Variants in ERN1 observed in about 807,000 individuals in gnomAD.
The protein encoded by ERN1 is endoplasmic reticulum to nucleus signaling 1.
A neutral mutation model predicts 113.1 loss-of-function variants in ERN1; 39 were observed. The observed-to-expected ratio is 0.34, with a 90% CI of 0.27 to 0.45. The LOEUF is 0.45. ERN1 is among the 20% of genes least tolerant of loss of function. The pLI is 1.00. For missense variants in ERN1, 976 were observed against 1,274.8 expected, an observed-to-expected ratio of 0.77 and a Z score of 3.57; for synonymous variants, 507 against 515.9, an observed-to-expected ratio of 0.98 and a Z score of 0.23.
chr17:64,106,761 CACAA>C (rs1239075671), intron 1 of ERN1, among the ~76,000 whole-genome samples: 5 of 140,330 alleles, frequency 3.6e-5, no homozygotes, highest in Admixed American at 1.4e-4. Flanking sequence ...CACACACACA[CACAA>C]GCTCGCTGTC....
chr17:64,068,072 A>G (rs1433296987), intron 7 of ERN1, 118 bp downstream of exon 7: 2 of 698,870 alleles, frequency 2.9e-6, no homozygotes, highest in Admixed American at 5.3e-5. Context: ...GTCCATGGAA[A>G]GAAAGAACCT....
At chr17:64,096,835 T>G (rs181631568) in intron 2 of ERN1, among the ~76,000 whole-genome samples, 1 of 152,236 alleles carries the variant, frequency 6.6e-6, no homozygotes, top group East Asian at 1.9e-4. Context: ...CTTAAAGCAT[T>G]ATGTGCAGGG....
intron 1 of ERN1, 176 bp from the exon 2 acceptor site, chr17:64,098,417 C>G: frequency 2.5e-6 from 2 of 803,790 alleles, no homozygotes; most frequent in Non-Finnish European, 4.4e-6. Context: ...CCCAGGTCAC[C>G]TCACTCTAAG....
In ERN1 at chr17:64,041,935, G is replaced by C. The variant is rs1354738405; in HGVS notation, c.*2053C>G. On this transcript the variant is annotated 3_prime_UTR_variant, in exon 22 of 22. Transcript: ENST00000433197. Reference sequence around the variant, plus strand: ...ATCGGAAACAGTTGTCTCTAGGCAAGTGGGGCTAAAACAGGGAGATGACAC... The same window carrying C: ...ATCGGAAACAGTTGTCTCTAGGCAACTGGGGCTAAAACAGGGAGATGACAC... 6.6e-6 allele frequency: 1 copy of C among 152,246 alleles called. No homozygotes were observed. Among genetic ancestry groups the C allele is most frequent in the Admixed American group, 6.5e-5 (1 of 15,282 alleles). The allele number at this position is 152,246 out of a possible 1,614,324, so 9.4% of individuals were successfully genotyped here. A position where few individuals can be genotyped will look rare whatever the true frequency, so the allele number is the denominator to read the frequency against.
chr17:64,078,641 T>C (rs1007114492), intron 4 of ERN1, among the ~76,000 whole-genome samples: 2 of 152,332 alleles, frequency 1.3e-5, no homozygotes, highest in African/African-American at 4.8e-5. Flanking sequence ...TTATATGTGT[T>C]GTAGGGGGGT....
At position 64,098,185 on chromosome 17, in the gene ERN1, C is replaced by G. The variant is rs374385951; in HGVS notation, c.111G>C (p.Thr37=). The G allele has an allele frequency of 1.2e-6, 2 of 1,613,944 alleles. No individual in the cohort carries two copies. The highest frequency in any genetic ancestry group is 1.7e-6 in the Non-Finnish European group (2 of 1,179,862). Reference sequence around the variant, plus strand: ...TGACAGCATGCAAACTTCCATCCAGCGTTGACACAAACAACAAGGTTTCAG... The same window carrying G: ...TGACAGCATGCAAACTTCCATCCAGGGTTGACACAAACAACAAGGTTTCAG... ...TLPETLLFVS[T]LDGSLHAVSK... is the part of the protein sequence containing the mutation. Residue 37 remains threonine (T), a synonymous_variant, in exon 2 of 22, where the codon ACG becomes ACC. Transcript: ENST00000433197.
Position 64,054,590 on chromosome 17 carries a change from TCA to T in ERN1, c.1763+146_1763+147del, listed in dbSNP as rs1247598650. Reference sequence around the variant, plus strand: ...GGTGGCCCCGGAATCATCGCTTGTCTCAGTGTGCAAGCTCCCTGGAGGCCGGA... The same window carrying T: ...GGTGGCCCCGGAATCATCGCTTGTCTGTGTGCAAGCTCCCTGGAGGCCGGA... On this transcript the variant is annotated intron_variant, in intron 14 of 21. Coordinates refer to ENST00000433197, the MANE Select transcript of ERN1 (RefSeq NM_001433.5). The surrounding 1 kb of genome is among the most constrained non-coding windows in gnomAD (Gnocchi z 4.9). 3 of 996,596 alleles carry T rather than the reference TCA, an allele frequency of 3.0e-6. No individual in the cohort carries two copies. The highest frequency in any genetic ancestry group is 4.4e-6 in the Non-Finnish European group (3 of 677,960). 61.7% of individuals were successfully genotyped at this position (996,596 alleles called of 1,614,324 possible).
At chr17:64,079,835 G>T in intron 3 of ERN1, 101 bp from the exon 4 acceptor site, 1 of 886,288 alleles carries the variant, frequency 1.1e-6, no homozygotes, top group Non-Finnish European at 1.8e-6. Flanking sequence ...AGAGAGTGGA[G>T]GGTGGTTGTG....
At chr17:64,060,655 T>G in intron 10 of ERN1, 68 bp from the exon 11 acceptor site, 1 of 1,160,422 alleles carries the variant, frequency 8.6e-7, no homozygotes, top group Non-Finnish European at 1.3e-6. Flanking sequence ...AATGCTAAAC[T>G]TAGGCAACAG....
intron 1 of ERN1, among the ~76,000 whole-genome samples, chr17:64,116,097 T>TTCAG (rs1914796252): frequency 6.6e-6 from 1 of 152,164 alleles, no homozygotes; most frequent in Admixed American, 6.5e-5. Flanking sequence ...CACTTTAAGG[T>TTCAG]TCAGGATGGG....
At chr17:64,087,207 T>C (rs1036461764) in intron 2 of ERN1, among the ~76,000 whole-genome samples, 1 of 152,194 alleles carries the variant, frequency 6.6e-6, no homozygotes, top group Admixed American at 6.5e-5. Context: ...GAATCCTCTG[T>C]TCCACCTTCC....
Position 64,113,839 on chromosome 17 carries a change from T to C in ERN1, c.55-15598A>G, listed in dbSNP as rs1276162063. 4.6e-5 allele frequency among the ~76,000 whole-genome samples: 7 copies of C among 151,940 alleles called. No homozygotes were observed. The East Asian group carries it at 1.4e-3, about 29-fold the overall frequency. ...CTGGGATTACAGGCGCCCACCACCA[T>C]GCCCGGCTAATTTTTGTATTTTCAG... On this transcript the variant is annotated intron_variant, in intron 1 of 21. Coordinates refer to ENST00000433197, the MANE Select transcript of ERN1 (RefSeq NM_001433.5).
chr17:64,076,450 C>T (rs1338037922), intron 4 of ERN1, among the ~76,000 whole-genome samples: 2 of 152,180 alleles, frequency 1.3e-5, no homozygotes, highest in African/African-American at 4.8e-5. Flanking sequence ...ATCAGAAAGG[C>T]ACTGCAGATC....
At chr17:64,083,396 T>TA (rs533099613) in intron 2 of ERN1, among the ~76,000 whole-genome samples, 43 of 148,978 alleles carry the variant, frequency 2.9e-4, no homozygotes, top group Non-Finnish European at 4.6e-4. Context: ...ATTCTTGCTT[T>TA]AAAAAAAAAA....
chr17:64,108,415 A>G (rs1914587697), intron 1 of ERN1, among the ~76,000 whole-genome samples: 2 of 152,182 alleles, frequency 1.3e-5, no homozygotes, highest in South Asian at 4.1e-4. Context: ...ATATCTGGAC[A>G]TGAATGGTGC....
At chr17:64,106,684 CA>C (rs1163746297) in intron 1 of ERN1, among the ~76,000 whole-genome samples, 4 of 147,140 alleles carry the variant, frequency 2.7e-5, no homozygotes, top group African/African-American at 5.0e-5. Flanking sequence ...TCTGGCATGC[CA>C]TAACAGGACA....
At chr17:64,096,782 C>T (rs532104896) in intron 2 of ERN1, among the ~76,000 whole-genome samples, 1 of 152,272 alleles carries the variant, frequency 6.6e-6, no homozygotes, top group African/African-American at 2.4e-5. Flanking sequence ...TTGTTGCATA[C>T]AGATGACATT....
intron 1 of ERN1, among the ~76,000 whole-genome samples, chr17:64,123,184 CA>C (rs143091911): frequency 0.038 from 5,742 of 152,118 alleles, 364 homozygotes; most frequent in African/African-American, 0.13. Context: ...AGTCTTAAGG[CA>C]AAAGTTTTAA....
intron 16 of ERN1, 140 bp from the exon 17 acceptor site, chr17:64,053,119 C>T: frequency 1.1e-6 from 1 of 922,858 alleles, no homozygotes; most frequent in Non-Finnish European, 1.6e-6. Context: ...TGTCGGATTC[C>T]TCCTCAAATT....
Sources: gnomAD v4.1 joint callset for allele counts (sites outside exome capture counted in the v4.1 genomes callset) on GRCh38, gnomAD v4.1.1 for gene constraint, Gnocchi (gnomAD v3.1) non-coding constraint, MANE v1.5 for transcripts, NCBI Gene and HGNC (gene_info 2026-07-23, HGNC 2026-07-21) for gene names.